UCN3: variants seen among roughly 807,000 people sequenced by gnomAD.
UCN3 encodes urocortin-3.
UCN3 carries 3 observed loss-of-function variants against 3.6 expected under a neutral mutation model. The ratio of observed to expected loss-of-function variants is 0.83; its 90% confidence interval spans 0.38 to 2.15. The LOEUF (loss-of-function observed/expected upper bound fraction) is 2.15. Ranked by LOEUF, UCN3 falls within the 30% of genes most tolerant of loss-of-function variation. UCN3 has a pLI of 0.06. For synonymous variants in UCN3, 100 were observed against 93.2 expected, an observed-to-expected ratio of 1.07 and a Z score of -0.42; for missense variants, 206 against 208.3, an observed-to-expected ratio of 0.99 and a Z score of 0.07.
intron 1 of UCN3, among the ~76,000 whole-genome samples, chr10:5,370,368 T>C (rs797038132): frequency 2.9e-3 from 43 of 14,754 alleles, no homozygotes; most frequent in Non-Finnish European, 4.8e-3. Flanking sequence ...TGTATATGCG[T>C]GTGTATATGC....
At chr10:5,368,653 A>T (rs1351719265) in intron 1 of UCN3, among the ~76,000 whole-genome samples, 1 of 152,144 alleles carries the variant, frequency 6.6e-6, no homozygotes, top group Non-Finnish European at 1.5e-5. Context: ...TTGTTTTTTT[A>T]AACCCTTTCA....
chr10:5,371,773 G>A (rs1179455760), intron 1 of UCN3, among the ~76,000 whole-genome samples: 2 of 152,172 alleles, frequency 1.3e-5, no homozygotes, highest in African/African-American at 4.8e-5. Context: ...CGAATCACCA[G>A]GTGATTTACT....
intron 1 of UCN3, among the ~76,000 whole-genome samples, chr10:5,370,862 C>CGTGTGTGTGTATGT (rs1319076011): frequency 2.2e-5 from 1 of 45,332 alleles, no homozygotes; most frequent in African/African-American, 9.6e-5. Flanking sequence ...CGTGTGTGTG[C>CGTGTGTGTGTATGT]GTGTGTATGT....
At chr10:5,369,633 A>G (rs1831305208) in intron 1 of UCN3, among the ~76,000 whole-genome samples, 1 of 152,242 alleles carries the variant, frequency 6.6e-6, no homozygotes, top group South Asian at 2.1e-4. Flanking sequence ...ATAGGTTTGG[A>G]CTATTTAAAG....
At position 5,370,315 on chromosome 10, in the gene UCN3, ATG is replaced by A. The variant is rs1489726621; in HGVS notation, c.-6-3392_-6-3391del. Among the ~76,000 whole-genome samples the A allele has an allele frequency of 4.5e-4, 14 of 30,894 alleles. 2 individuals carry two copies. In the South Asian group the frequency reaches 8.2e-3, roughly 18 times the overall value. The allele number at this position is 30,894 out of a possible 152,430, so 20.3% of individuals were successfully genotyped here. Reference sequence around the variant, plus strand: ...TGTGTATGCGTGTGTATATGCGTGTATGTGTGTGTATATGCGTGTGTATATGC... The same window carrying A: ...TGTGTATGCGTGTGTATATGCGTGTATGTGTGTATATGCGTGTGTATATGC... On this transcript the variant is annotated intron_variant, in intron 1 of 1. Coordinates refer to ENST00000380433, the MANE Select transcript of UCN3 (RefSeq NM_053049.4).
At position 5,373,790 on chromosome 10, in the gene UCN3, C is replaced by G. The variant is rs141642903; in HGVS notation, c.70C>G (p.His24Asp). 9.9e-6 allele frequency: 16 copies of G among 1,613,860 alleles called. No individual in the cohort carries two copies. The highest frequency in any genetic ancestry group is 8.3e-5 in the Admixed American group (5 of 59,996). The change falls in exon 2 of 2, where the codon CAC (histidine) becomes GAC (aspartate). Residue 24 changes from histidine (H) to aspartate (D), a missense_variant. His to Asp is a moderately conservative substitution (Grantham distance 81). Coordinates refer to ENST00000380433, the MANE Select transcript of UCN3 (RefSeq NM_053049.4). The stretch of plus-strand genomic sequence containing the variant: ...GGGGGGCCCCAGGACAGGCCTCCCC[C>G]ACAAGTTCTACAAAGCCAAGCCCAT... ...LLGGPRTGLPHKFYKAKPIFS... is the reference protein window; with the variant it reads ...LLGGPRTGLPDKFYKAKPIFS...
rs955939609 is a variant in UCN3 at position 5,367,357 on chromosome 10, C to T, written c.-7+2127C>T. ...ATAAAAGATTTTTTCCTCTGTGATA[C>T]GTAACAACATGATTTGCAGAGAGAA... On this transcript the variant is annotated intron_variant, in intron 1 of 1. Coordinates refer to ENST00000380433, the MANE Select transcript of UCN3 (RefSeq NM_053049.4). This position sits in a 1 kb window ranked among gnomAD's most constrained non-coding sequence, Gnocchi z 4.3. 7.9e-5 allele frequency among the ~76,000 whole-genome samples: 12 copies of T among 152,126 alleles called. No individual in the cohort carries two copies. Among genetic ancestry groups the T allele is most frequent in the Admixed American group, 1.3e-4 (2 of 15,280 alleles).
In UCN3 at chr10:5,373,876, C is replaced by G; in HGVS notation, c.156C>G (p.Ser52=). ...AGAAGGGCCAGTGGGAGGATGCATCCCTGCTGAGCAAGAGGAGCTTCCACT... is the reference window on the plus strand; with the variant it reads ...AGAAGGGCCAGTGGGAGGATGCATCGCTGCTGAGCAAGAGGAGCTTCCACT... ...EAEKGQWEDA[S]LLSKRSFHYL... The change falls in exon 2 of 2, where the codon TCC becomes TCG. Residue 52 remains serine, a synonymous_variant. Coordinates refer to ENST00000380433, the MANE Select transcript of UCN3 (RefSeq NM_053049.4). The G allele has an allele frequency of 6.2e-7, 1 of 1,614,040 alleles. No individual in the cohort carries two copies.
At chr10:5,370,599 GTA>G (rs1479919701) in intron 1 of UCN3, among the ~76,000 whole-genome samples, 1 of 74,320 alleles carries the variant, frequency 1.3e-5, no homozygotes, top group Non-Finnish European at 2.6e-5. Flanking sequence ...ATGTGTGTGT[GTA>G]TGCGTGTGTA....
At chr10:5,368,602 C>A (rs1301567556) in intron 1 of UCN3, among the ~76,000 whole-genome samples, 1 of 152,118 alleles carries the variant, frequency 6.6e-6, no homozygotes, top group Non-Finnish European at 1.5e-5. Flanking sequence ...CAAAGTTTCT[C>A]CACCACTTTC....
In UCN3 at chr10:5,367,256, C is replaced by T. The variant is rs1266921389; in HGVS notation, c.-7+2026C>T. Among the ~76,000 whole-genome samples, 5 of 152,050 alleles carry T rather than the reference C, an allele frequency of 3.3e-5. No individual in the cohort carries two copies. The highest frequency in any genetic ancestry group is 5.9e-5 in the Non-Finnish European group (4 of 68,010). ...GACGAGGCTGTTTCATGTTCAGAAG[C>T]CCTCATCTTTCAAGTGACTCTAGGT... On this transcript the variant is annotated intron_variant, in intron 1 of 1. Coordinates refer to ENST00000380433, the MANE Select transcript of UCN3 (RefSeq NM_053049.4). This position sits in a 1 kb window ranked among gnomAD's most constrained non-coding sequence, Gnocchi z 4.3.
Position 5,374,465 on chromosome 10 carries a change from C to A in UCN3, c.*259C>A. On this transcript the variant is annotated 3_prime_UTR_variant, in exon 2 of 2. Coordinates refer to ENST00000380433, the MANE Select transcript of UCN3 (RefSeq NM_053049.4). ...AGACACAAAGCAGCTAACGTTCCTC[C>A]CTGTACTCAGCGTCTCCTTCCTCCC... 1 of 429,544 alleles carries A rather than the reference C, an allele frequency of 2.3e-6. No individual in the cohort carries two copies. Among genetic ancestry groups the A allele is most frequent in the South Asian group, 2.8e-5 (1 of 36,196 alleles). 26.6% of individuals were successfully genotyped at this position (429,544 alleles called of 1,614,324 possible).
Position 5,370,245 on chromosome 10 carries a change from GTATGCGTGTGTA to G in UCN3, c.-6-3434_-6-3423del, listed in dbSNP as rs1439304076. Among the ~76,000 whole-genome samples the G allele has an allele frequency of 7.3e-4, 42 of 57,394 alleles. 5 individuals are homozygous for G. Among genetic ancestry groups the G allele is most frequent in the Middle Eastern group, 0.013 (1 of 78 alleles). The allele number at this position is 57,394 out of a possible 152,430, so 37.7% of individuals were successfully genotyped here. A position where few individuals can be genotyped will look rare whatever the true frequency, so the allele number is the denominator to read the frequency against. On this transcript the variant is annotated intron_variant, in intron 1 of 1. Coordinates refer to ENST00000380433, the MANE Select transcript of UCN3 (RefSeq NM_053049.4). ...TATGTGCGTGTGTGTATGCGTGTGTGTATGCGTGTGTATATGCGTGTGTATATGCGTGTGTAT... is the reference window on the plus strand; with the variant it reads ...TATGTGCGTGTGTGTATGCGTGTGTGTATGCGTGTGTATATGCGTGTGTAT...
chr10:5,364,982 C>T lies in UCN3; in HGVS notation c.-255C>T, dbSNP rs949675215. The T allele has an allele frequency of 3.9e-5, 6 of 152,180 alleles. No homozygotes were observed. The highest frequency in any genetic ancestry group is 4.1e-4 in the South Asian group (2 of 4,828). 9.4% of individuals were successfully genotyped at this position (152,180 alleles called of 1,614,324 possible). On this transcript the variant is annotated 5_prime_UTR_variant, in exon 1 of 2. Coordinates refer to ENST00000380433, the MANE Select transcript of UCN3 (RefSeq NM_053049.4). ...TTGTATTTTAAATGAAATCTCATCCCAGCGTAGACACCACGTCTGGAATTA... is the reference window on the plus strand; with the variant it reads ...TTGTATTTTAAATGAAATCTCATCCTAGCGTAGACACCACGTCTGGAATTA...
At chr10:5,370,478 T>C (rs1353120909) in intron 1 of UCN3, among the ~76,000 whole-genome samples, 1 of 118,650 alleles carries the variant, frequency 8.4e-6, no homozygotes, top group Non-Finnish European at 1.7e-5. Flanking sequence ...TATGCGTGTG[T>C]ATATGTGTGT....
At position 5,370,472 on chromosome 10, in the gene UCN3, C is replaced by CGTGTGTATAT. The variant is rs1177387894; in HGVS notation, c.-6-3234_-6-3225dup. ...GTGTGTGTGTATATGTGTGTATATG[C>CGTGTGTATAT]GTGTGTATATGTGTGTATGTGTGTG... is the stretch of plus-strand genomic sequence containing the variant. On this transcript the variant is annotated intron_variant, in intron 1 of 1. Coordinates refer to ENST00000380433, the MANE Select transcript of UCN3 (RefSeq NM_053049.4). Among the ~76,000 whole-genome samples, 6 of 13,148 alleles carry CGTGTGTATAT rather than the reference C, an allele frequency of 4.6e-4. 2 individuals carry two copies. Among genetic ancestry groups the CGTGTGTATAT allele is most frequent in the East Asian group, 7.4e-3 (2 of 270 alleles). 8.6% of individuals were successfully genotyped at this position (13,148 alleles called of 152,430 possible). A position where few individuals can be genotyped will look rare whatever the true frequency, so the allele number is the denominator to read the frequency against.
intron 1 of UCN3, among the ~76,000 whole-genome samples, chr10:5,370,342 C>CGTGTATATGT (rs1564442773): frequency 8.4e-4 from 9 of 10,778 alleles, no homozygotes; most frequent in Non-Finnish European, 1.2e-3. Flanking sequence ...TGTGTATATG[C>CGTGTATATGT]GTGTGTATAT....
chr10:5,370,631 G>GTA (rs1171744039), intron 1 of UCN3, among the ~76,000 whole-genome samples: 15 of 87,190 alleles, frequency 1.7e-4, no homozygotes, highest in African/African-American at 5.5e-4. Flanking sequence ...ATATGCGTGT[G>GTA]TATGTGTGTG....
rs782137581 is a variant in UCN3, at chr10:5,369,921, GTGTA to G, written c.-6-3790_-6-3787del. On this transcript the variant is annotated intron_variant, in intron 1 of 1. Coordinates refer to ENST00000380433, the MANE Select transcript of UCN3 (RefSeq NM_053049.4). The stretch of plus-strand genomic sequence containing the variant: ...TGTATATGTGTGTGTGTATATGTGT[GTGTA>G]TGTGTGTGTGTGTATGTGTGTGTAT... Among the ~76,000 whole-genome samples, 129 of 128,536 alleles carry G rather than the reference GTGTA, an allele frequency of 1.0e-3. 24 individuals carry two copies. The highest frequency in any genetic ancestry group is 1.6e-3 in the Non-Finnish European group (101 of 61,638). 84.3% of individuals were successfully genotyped at this position (128,536 alleles called of 152,430 possible).
Sources: gnomAD v4.1 joint callset for allele counts (sites outside exome capture counted in the v4.1 genomes callset) on GRCh38, gnomAD v4.1.1 for gene constraint, Gnocchi (gnomAD v3.1) non-coding constraint, MANE v1.5 for transcripts, NCBI Gene and HGNC (gene_info 2026-07-23, HGNC 2026-07-21) for gene names.